The following CCDC141 variants were observed in gnomAD, a reference collection of about 807,000 sequenced individuals.
CCDC141 encodes coiled-coil domain-containing protein 141.
A neutral mutation model predicts 181.0 loss-of-function variants in CCDC141; 168 were observed. The ratio of observed to expected loss-of-function variants is 0.93; its 90% CI spans 0.82 to 1.05. The LOEUF is 1.05. CCDC141 is among the 50% of genes least tolerant of loss of function. The pLI, the probability that CCDC141 is intolerant of heterozygous loss-of-function variation, is 0.00. For synonymous variants in CCDC141, 666 were observed against 642.3 expected (o/e 1.04, Z -0.56); for missense variants, 1,902 against 1,788.5 (o/e 1.06, Z -1.14).
chr2:178,976,780 T>G (rs746632033), intron 3 of CCDC141, among the ~76,000 whole-genome samples: 13 of 152,212 alleles, frequency 8.5e-5, no homozygotes, highest in Non-Finnish European at 1.8e-4. Context: ...TTTTAAAATA[T>G]TATTTAAAGA....
In CCDC141 at chr2:178,870,662, G is replaced by A. The variant is rs576189910; in HGVS notation, c.2205+765C>T. Reference sequence around the variant, plus strand: ...ACTTACATCGGTTTTTGTCTTAAAGGAACCTACAATTAGATATTCCCTAAA... The same window carrying A: ...ACTTACATCGGTTTTTGTCTTAAAGAAACCTACAATTAGATATTCCCTAAA... On this transcript the variant is annotated intron_variant, in intron 14 of 23. Transcript: ENST00000443758. Among the ~76,000 whole-genome samples the A allele has an allele frequency of 2.0e-3, 297 of 152,280 alleles. 6 individuals carry two copies. In the South Asian group the frequency reaches 0.021, roughly 11 times the overall value.
intron 2 of CCDC141, among the ~76,000 whole-genome samples, chr2:178,998,416 G>T (rs1051379246): frequency 5.9e-5 from 9 of 152,110 alleles, no homozygotes; most frequent in African/African-American, 2.2e-4. Flanking sequence ...AGTACATATT[G>T]TGGTAACAAA....
chr2:178,979,465 G>A (rs758575584), intron 2 of CCDC141, among the ~76,000 whole-genome samples: 1 of 151,968 alleles, frequency 6.6e-6, no homozygotes, highest in Non-Finnish European at 1.5e-5. Flanking sequence ...CAAACATAAT[G>A]ACAAGTACAT....
At chr2:179,045,143 C>G (rs368096669) in intron 2 of CCDC141, among the ~76,000 whole-genome samples, 1 of 149,254 alleles carries the variant, frequency 6.7e-6, no homozygotes, top group African/African-American at 2.5e-5. Flanking sequence ...GTATATCTCC[C>G]AATGCTATCC....
At chr2:178,844,584 A>G (rs931816457) in intron 22 of CCDC141, among the ~76,000 whole-genome samples, 1 of 152,136 alleles carries the variant, frequency 6.6e-6, no homozygotes, top group Non-Finnish European at 1.5e-5. Context: ...ACCCTACCAC[A>G]AAAAAAGACA....
chr2:178,847,622 T>C (rs16866563), intron 21 of CCDC141, among the ~76,000 whole-genome samples: 26,860 of 152,166 alleles, frequency 0.18, 2,687 homozygotes, highest in Middle Eastern at 0.22. Context: ...AGGGTTTCCT[T>C]AAGTATAATC....
Position 179,049,865 on chromosome 2 carries a change from G to A in CCDC141, c.77C>T (p.Ser26Phe). The change falls in exon 1 of 24, where the codon TCC becomes TTC. Residue 26 changes from serine to phenylalanine, a missense_variant. Coordinates refer to ENST00000443758, the MANE Select transcript of CCDC141 (RefSeq NM_173648.4). ...CTTTATGACAGCTATAACGATTTTG[G>A]AGTCCCCAGCCTGCACAGCAACTGA... Reference protein sequence around the residue: ...VSSVAVQAGDSKIVIAVIKCG... With the variant: ...VSSVAVQAGDFKIVIAVIKCG... The A allele has an allele frequency of 1.3e-6, 2 of 1,550,736 alleles. No homozygotes were observed. The highest frequency in any genetic ancestry group is 1.7e-6 in the Non-Finnish European group (2 of 1,146,958).
At chr2:178,844,517 C>G (rs1456142166) in intron 22 of CCDC141, among the ~76,000 whole-genome samples, 1 of 152,066 alleles carries the variant, frequency 6.6e-6, no homozygotes, top group Non-Finnish European at 1.5e-5. Flanking sequence ...GCAAAATGAC[C>G]AAAGTTTGGC....
intron 6 of CCDC141, among the ~76,000 whole-genome samples, chr2:178,929,123 C>T (rs1294742111): frequency 6.6e-6 from 1 of 152,142 alleles, no homozygotes. Context: ...TGCCTTGAGA[C>T]ATTTCAGATT....
At chr2:178,915,335 TC>T (rs879385662) in intron 7 of CCDC141, among the ~76,000 whole-genome samples, 2 of 152,240 alleles carry the variant, frequency 1.3e-5, no homozygotes, top group Non-Finnish European at 2.9e-5. Context: ...GGATATTTAT[TC>T]TTTTTATTTT....
intron 6 of CCDC141, among the ~76,000 whole-genome samples, chr2:178,924,487 A>AT (rs201542376): frequency 0.051 from 7,532 of 148,062 alleles, 230 homozygotes; most frequent in South Asian, 0.085. Context: ...TCTGCTTAAG[A>AT]TTTTTTTTTT....
intron 2 of CCDC141, among the ~76,000 whole-genome samples, chr2:178,980,009 T>C (rs538457983): frequency 1.3e-4 from 20 of 152,018 alleles, no homozygotes; most frequent in Non-Finnish European, 2.8e-4. Context: ...ATTTAAAAAA[T>C]AAACAAATTA....
chr2:179,007,575 T>C (rs1281619471), intron 2 of CCDC141, among the ~76,000 whole-genome samples: 2 of 152,124 alleles, frequency 1.3e-5, no homozygotes, highest in Non-Finnish European at 2.9e-5. Flanking sequence ...ATTCAGCACC[T>C]CTCTAGACAC....
chr2:179,011,436 T>C (rs1199588645), intron 2 of CCDC141, among the ~76,000 whole-genome samples: 1 of 152,114 alleles, frequency 6.6e-6, no homozygotes, highest in Non-Finnish European at 1.5e-5. Flanking sequence ...ATTCTAAACA[T>C]ACACGTACCT....
At chr2:178,893,211 A>G (rs1687238751) in intron 8 of CCDC141, among the ~76,000 whole-genome samples, 1 of 136,162 alleles carries the variant, frequency 7.3e-6, no homozygotes, top group Non-Finnish European at 1.6e-5. Flanking sequence ...AGGGGGAAGA[A>G]AAATAATTGC....
At chr2:178,905,030 C>T (rs1687893746) in intron 8 of CCDC141, among the ~76,000 whole-genome samples, 1 of 152,144 alleles carries the variant, frequency 6.6e-6, no homozygotes, top group African/African-American at 2.4e-5. Flanking sequence ...TTTGAAAAGC[C>T]TTGGGAACTA....
chr2:178,852,361 T>A (rs183732052), intron 20 of CCDC141, among the ~76,000 whole-genome samples: 159 of 152,290 alleles, frequency 1.0e-3, no homozygotes, highest in African/African-American at 3.6e-3. Flanking sequence ...GACCAATAGG[T>A]ATTTATACTA....
intron 4 of CCDC141, among the ~76,000 whole-genome samples, chr2:178,966,890 G>T (rs937719280): frequency 1.1e-4 from 17 of 151,878 alleles, no homozygotes; most frequent in Non-Finnish European, 2.2e-4. Flanking sequence ...AGAATAACCA[G>T]TGCAGAGAAG....
intron 10 of CCDC141, among the ~76,000 whole-genome samples, chr2:178,886,503 A>G (rs1027192310): frequency 6.6e-6 from 1 of 152,166 alleles, no homozygotes; most frequent in African/African-American, 2.4e-5. Context: ...CAGGCAAGAA[A>G]AGGGAACCAA....
Sources: gnomAD v4.1 joint callset for allele counts (sites outside exome capture counted in the v4.1 genomes callset) on GRCh38, gnomAD v4.1.1 for gene constraint, MANE v1.5 for transcripts, NCBI Gene and HGNC (gene_info 2026-07-23, HGNC 2026-07-21) for gene names.